The following PRDM5 variants were observed in gnomAD, a reference collection of about 807,000 sequenced individuals.
PRDM5 encodes PR domain zinc finger protein 5.
PRDM5 carries 56 observed loss-of-function variants against 81.2 expected under a neutral mutation model. That is an observed-to-expected ratio of 0.69 (90% confidence interval 0.56 to 0.86). PRDM5 has a LOEUF of 0.86. PRDM5 is among the 40% of genes least tolerant of loss of function. PRDM5 has a pLI of 0.00. For synonymous variants in PRDM5, 267 were observed against 256.4 expected (o/e 1.04, Z -0.39); for missense variants, 697 against 770.1 (o/e 0.91, Z 1.12).
At chr4:120,706,724 TATA>T (rs2149017142) in intron 15 of PRDM5, among the ~76,000 whole-genome samples, 1 of 144,222 alleles carries the variant, frequency 6.9e-6, no homozygotes, top group Non-Finnish European at 1.5e-5. Flanking sequence ...TATATATATA[TATA>T]AATTATATAT....
intron 15 of PRDM5, among the ~76,000 whole-genome samples, chr4:120,697,781 A>C (rs1211463611): frequency 7.1e-6 from 1 of 141,486 alleles, no homozygotes; most frequent in African/African-American, 2.5e-5. Context: ...AGTCTCCGAA[A>C]GTGCTGGGAA....
At position 120,782,298 on chromosome 4, in the gene PRDM5, AG is replaced by A. The variant is rs1203100714; in HGVS notation, c.1283-996del. On this transcript the variant is annotated intron_variant, in intron 11 of 15. Transcript: ENST00000264808. ...AGATTCCCATATCATATTGATAACAAGGCAAAATTAAGAATAATTAAATTTC... is the reference window on the plus strand; with the variant it reads ...AGATTCCCATATCATATTGATAACAAGCAAAATTAAGAATAATTAAATTTC... Among the ~76,000 whole-genome samples the A allele has an allele frequency of 2.6e-5, 4 of 152,316 alleles. No homozygotes were observed. In the East Asian group the frequency reaches 7.7e-4, roughly 29 times the overall value.
In PRDM5 at chr4:120,876,177, C is replaced by A. The variant is rs577378749; in HGVS notation, c.178-22637G>T. On this transcript the variant is annotated intron_variant, in intron 2 of 15. Transcript: ENST00000264808. ...AATATCTACCACCTTCCTTGGTTCA[C>A]CACATGTATTGTGAGACACGCACAT... Among the ~76,000 whole-genome samples the A allele has an allele frequency of 7.2e-5, 11 of 152,256 alleles. No homozygotes were observed. The East Asian group carries it at 2.1e-3, about 29-fold the overall frequency.
intron 2 of PRDM5, among the ~76,000 whole-genome samples, chr4:120,884,410 T>C (rs1173510621): frequency 7.0e-6 from 1 of 143,616 alleles, no homozygotes; most frequent in Non-Finnish European, 1.5e-5. Context: ...CTTTAACCCC[T>C]AAAAATGCAT....
At chr4:120,715,311 G>A (rs1403380480) in intron 14 of PRDM5, among the ~76,000 whole-genome samples, 3 of 152,052 alleles carry the variant, frequency 2.0e-5, no homozygotes, top group Non-Finnish European at 4.4e-5. Flanking sequence ...TCCTTATAGG[G>A]CCTTTTTTCC....
rs1734141497 is a variant in PRDM5 at position 120,692,663 on chromosome 4, AT to A, written c.*2447del. The A allele has an allele frequency of 6.6e-6, 1 of 152,084 alleles. No homozygotes were observed. Among genetic ancestry groups the A allele is most frequent in the Non-Finnish European group, 1.5e-5 (1 of 67,998 alleles). 9.4% of individuals were successfully genotyped at this position (152,084 alleles called of 1,614,324 possible). A position where few individuals can be genotyped will look rare whatever the true frequency, so the allele number is the denominator to read the frequency against. ...AACGTCTCTTAAATTTACTTAGCCA[AT>A]TTCTAAGTCTCAATTACTTAGACTT... On this transcript the variant is annotated 3_prime_UTR_variant, in exon 16 of 16. Coordinates refer to ENST00000264808, the MANE Select transcript of PRDM5 (RefSeq NM_018699.4).
At chr4:120,906,799 G>C (rs1765849244) in intron 2 of PRDM5, among the ~76,000 whole-genome samples, 1 of 151,988 alleles carries the variant, frequency 6.6e-6, no homozygotes, top group Admixed American at 6.6e-5. Context: ...ATGAAACTGA[G>C]ATTTGTTTCT....
chr4:120,873,186 T>C (rs962000222), intron 2 of PRDM5, among the ~76,000 whole-genome samples: 1 of 152,074 alleles, frequency 6.6e-6, no homozygotes, highest in Non-Finnish European at 1.5e-5. Context: ...ATTTTTTTGG[T>C]AGAGGCAGGA....
At chr4:120,759,712 T>C (rs1745319459) in intron 13 of PRDM5, among the ~76,000 whole-genome samples, 1 of 152,214 alleles carries the variant, frequency 6.6e-6, no homozygotes, top group Non-Finnish European at 1.5e-5. Context: ...ACATGGGCTC[T>C]GATGTACAAT....
chr4:120,775,806 G>C (rs1356642413), intron 13 of PRDM5, among the ~76,000 whole-genome samples: 1 of 152,060 alleles, frequency 6.6e-6, no homozygotes, highest in Non-Finnish European at 1.5e-5. Flanking sequence ...TTTCACCCTT[G>C]CCCTTACTCC....
chr4:120,759,692 C>T (rs886691249), intron 13 of PRDM5, among the ~76,000 whole-genome samples: 6 of 152,282 alleles, frequency 3.9e-5, no homozygotes, highest in African/African-American at 1.4e-4. Context: ...GAACACAGGT[C>T]ACAGTCAGTA....
intron 11 of PRDM5, among the ~76,000 whole-genome samples, chr4:120,782,337 A>G (rs1422685365): frequency 6.6e-6 from 1 of 152,182 alleles, no homozygotes; most frequent in Non-Finnish European, 1.5e-5. Flanking sequence ...TATCTAAATA[A>G]GAGATTATCT....
rs899396171 is a variant in PRDM5 at position 120,922,591 on chromosome 4, C to T, written c.18G>A (p.Val6=). MLGMY[V]PDRFSLKSSR... is the part of the protein sequence containing the mutation. ...AGGACTTCAGGGAGAACCTGTCCGGCACGTACATGCCCAGCATTTTCCCGG... is the reference window on the plus strand; with the variant it reads ...AGGACTTCAGGGAGAACCTGTCCGGTACGTACATGCCCAGCATTTTCCCGG... The change falls in exon 1 of 16, where the codon GTG becomes GTA. Residue 6 remains valine, a synonymous_variant. Transcript: ENST00000264808. 5.6e-6 allele frequency: 9 copies of T among 1,608,764 alleles called. No individual in the cohort carries two copies. Among genetic ancestry groups the T allele is most frequent in the Admixed American group, 1.7e-5 (1 of 59,676 alleles).
intron 3 of PRDM5, among the ~76,000 whole-genome samples, chr4:120,846,167 A>G (rs1214279849): frequency 6.6e-6 from 1 of 152,238 alleles, no homozygotes; most frequent in Non-Finnish European, 1.5e-5. Context: ...AATGACAGCA[A>G]AGAATTTCAA....
chr4:120,896,248 G>A (rs1263986585), intron 2 of PRDM5: 1 of 151,556 alleles, frequency 6.6e-6, no homozygotes, highest in Non-Finnish European at 1.5e-5. Flanking sequence ...CTTCTGACAT[G>A]ATCATTTAAT....
intron 3 of PRDM5, among the ~76,000 whole-genome samples, chr4:120,847,531 C>T (rs1488201270): frequency 1.3e-5 from 2 of 152,156 alleles, no homozygotes; most frequent in Non-Finnish European, 2.9e-5. Context: ...TGGCTGACCA[C>T]TTGACAGCAA....
intron 2 of PRDM5, among the ~76,000 whole-genome samples, chr4:120,882,610 T>C (rs1441567872): frequency 6.6e-6 from 1 of 152,214 alleles, no homozygotes; most frequent in Non-Finnish European, 1.5e-5. Flanking sequence ...AACCATTTTA[T>C]AATACATAAA....
intron 14 of PRDM5, among the ~76,000 whole-genome samples, chr4:120,712,594 T>C (rs1459726988): frequency 2.0e-5 from 3 of 152,170 alleles, no homozygotes; most frequent in Non-Finnish European, 4.4e-5. Context: ...TTTCTCTACA[T>C]TGTTACTACC....
At chr4:120,812,695 G>T in intron 7 of PRDM5, 2 of 315,364 alleles carry the variant, frequency 6.3e-6, no homozygotes, top group South Asian at 2.6e-5. Flanking sequence ...TGGGTAGTTT[G>T]CAAATATTTT....
Sources: allele counts gnomAD v4.1 joint callset (sites outside exome capture counted in the v4.1 genomes callset), GRCh38; gene constraint gnomAD v4.1.1; transcripts MANE v1.5; gene names NCBI Gene and HGNC (gene_info 2026-07-23, HGNC 2026-07-21).